VTI1A: variants seen among roughly 807,000 people sequenced by gnomAD.
The protein encoded by VTI1A is vesicle transport through interaction with t-SNAREs homolog 1A.
In VTI1A, 22 loss-of-function variants were observed where a neutral mutation model predicts 34.9. That is an observed-to-expected ratio of 0.63 (90% CI 0.45 to 0.90). The LOEUF is 0.90. VTI1A is among the 40% of genes least tolerant of loss of function. VTI1A has a pLI of 0.00. For missense variants in VTI1A, 268 were observed against 275.6 expected (o/e 0.97, Z 0.20); for synonymous variants, 87 against 97.3 (o/e 0.89, Z 0.62).
At chr10:112,455,156 T>TCC (rs1285111226) in intron 1 of VTI1A, among the ~76,000 whole-genome samples, 30 of 36,390 alleles carry the variant, frequency 8.2e-4, no homozygotes, top group African/African-American at 3.1e-3. Flanking sequence ...TTCCCTCCCC[T>TCC]TCCCTCCTCC....
chr10:112,800,327 C>T (rs1279981985), intron 7 of VTI1A, among the ~76,000 whole-genome samples: 1 of 152,176 alleles, frequency 6.6e-6, no homozygotes, highest in Non-Finnish European at 1.5e-5. Flanking sequence ...AGGACCAAGG[C>T]CAGATGTGCC....
chr10:112,585,663 C>CTTTT (rs61436886), intron 5 of VTI1A, among the ~76,000 whole-genome samples: 7 of 117,294 alleles, frequency 6.0e-5, no homozygotes, highest in South Asian at 2.9e-4. Context: ...TTGTGGATTT[C>CTTTT]TTTTTTTTTT....
intron 3 of VTI1A, among the ~76,000 whole-genome samples, chr10:112,501,315 T>G (rs1020199028): frequency 4.6e-5 from 7 of 152,224 alleles, no homozygotes; most frequent in African/African-American, 1.7e-4. Flanking sequence ...AAACTAGTGG[T>G]AATCCTTATT....
intron 3 of VTI1A, among the ~76,000 whole-genome samples, chr10:112,513,822 ATGT>A (rs1373243813): frequency 2.0e-5 from 3 of 151,990 alleles, no homozygotes; most frequent in African/African-American, 7.2e-5. Flanking sequence ...TTTTGTTAAT[ATGT>A]TGTATCACAT....
chr10:112,594,113 G>A (rs1418357577), intron 5 of VTI1A, among the ~76,000 whole-genome samples: 2 of 152,056 alleles, frequency 1.3e-5, no homozygotes, highest in Non-Finnish European at 2.9e-5. Context: ...GGGTTTCACT[G>A]TGTTAGCCAG....
intron 7 of VTI1A, among the ~76,000 whole-genome samples, chr10:112,754,505 A>C (rs1047321610): frequency 6.6e-6 from 1 of 152,270 alleles, no homozygotes; most frequent in Non-Finnish European, 1.5e-5. Flanking sequence ...AACCACAAAG[A>C]AAAAGTTCAC....
At chr10:112,774,839 C>T (rs1005713988) in intron 7 of VTI1A, among the ~76,000 whole-genome samples, 1 of 152,180 alleles carries the variant, frequency 6.6e-6, no homozygotes, top group African/African-American at 2.4e-5. Flanking sequence ...AGAAGCCCCC[C>T]TCCTGAGGGC....
chr10:112,733,459 T>C (rs1209272453), intron 7 of VTI1A, among the ~76,000 whole-genome samples: 1 of 152,150 alleles, frequency 6.6e-6, no homozygotes. Flanking sequence ...GCACATAATA[T>C]GTGACCTTTT....
intron 3 of VTI1A, among the ~76,000 whole-genome samples, chr10:112,514,648 T>A (rs1289645730): frequency 6.6e-6 from 1 of 151,996 alleles, no homozygotes; most frequent in East Asian, 1.9e-4. Flanking sequence ...TAAACTCCCC[T>A]CTTAGGACTG....
chr10:112,671,899 A>C (rs1847863454), intron 7 of VTI1A: 1 of 152,052 alleles, frequency 6.6e-6, no homozygotes, highest in Admixed American at 6.6e-5. Flanking sequence ...CTGCTTATTC[A>C]TTTCCTTAGT....
At position 112,799,956 on chromosome 10, in the gene VTI1A, TAGAG is replaced by T. The variant is rs34501795; in HGVS notation, c.561-15319_561-15316del. Among the ~76,000 whole-genome samples the T allele has an allele frequency of 4.1e-5, 6 of 147,208 alleles. No individual in the cohort carries two copies. The East Asian group carries it at 6.0e-4, about 15-fold the overall frequency. On this transcript the variant is annotated intron_variant, in intron 7 of 7. Coordinates refer to ENST00000393077, the MANE Select transcript of VTI1A (RefSeq NM_145206.4). Reference sequence around the variant, plus strand: ...AGAGAGAGAGAGAGAGTTCTGATGTTAGAGAGAGAGAGAGAGAGTTCTGATGTTA... The same window carrying T: ...AGAGAGAGAGAGAGAGTTCTGATGTTAGAGAGAGAGAGAGTTCTGATGTTA...
At chr10:112,478,800 A>G (rs1848365797) in intron 3 of VTI1A, among the ~76,000 whole-genome samples, 2 of 152,170 alleles carry the variant, frequency 1.3e-5, no homozygotes, top group Non-Finnish European at 2.9e-5. Flanking sequence ...AGTTCATAAT[A>G]CACATTGGAT....
chr10:112,615,583 A>C (rs895048523), intron 5 of VTI1A, among the ~76,000 whole-genome samples: 1 of 152,226 alleles, frequency 6.6e-6, no homozygotes, highest in African/African-American at 2.4e-5. Flanking sequence ...TAATGGAAAT[A>C]GACATTAAAA....
intron 3 of VTI1A, among the ~76,000 whole-genome samples, chr10:112,476,051 T>A (rs1848263468): frequency 6.6e-6 from 1 of 152,230 alleles, no homozygotes; most frequent in Non-Finnish European, 1.5e-5. Context: ...TGGCTGTTTA[T>A]TTTCCATTCT....
intron 1 of VTI1A, among the ~76,000 whole-genome samples, chr10:112,451,579 A>AG (rs1484004082): frequency 6.6e-6 from 1 of 152,216 alleles, no homozygotes; most frequent in Non-Finnish European, 1.5e-5. Flanking sequence ...CAGGATCCCA[A>AG]GGGGGGCAGT....
At chr10:112,747,734 C>T (rs1377436402) in intron 7 of VTI1A, among the ~76,000 whole-genome samples, 3 of 151,964 alleles carry the variant, frequency 2.0e-5, no homozygotes, top group Non-Finnish European at 4.4e-5. Context: ...AGAAGGAGGC[C>T]CTCAAAGAGG....
intron 3 of VTI1A, among the ~76,000 whole-genome samples, chr10:112,481,341 G>A (rs1252624984): frequency 2.0e-5 from 3 of 152,134 alleles, no homozygotes; most frequent in Admixed American, 6.5e-5. Context: ...GGCAAAATGA[G>A]TACTTTAAAT....
At chr10:112,536,033 C>A (rs60893322) in intron 4 of VTI1A, among the ~76,000 whole-genome samples, 1,705 of 152,214 alleles carry the variant, frequency 0.011, 32 homozygotes, top group African/African-American at 0.039. Context: ...TTTTAAAGGT[C>A]TTTCAGAAAT....
At chr10:112,666,876 A>C (rs1847659501) in intron 5 of VTI1A, among the ~76,000 whole-genome samples, 1 of 152,098 alleles carries the variant, frequency 6.6e-6, no homozygotes, top group Non-Finnish European at 1.5e-5. Context: ...TAACTGAATT[A>C]CCTTATTGAA....
Sources: gnomAD v4.1 joint callset for allele counts (sites outside exome capture counted in the v4.1 genomes callset) on GRCh38, gnomAD v4.1.1 for gene constraint, MANE v1.5 for transcripts, NCBI Gene and HGNC (gene_info 2026-07-23, HGNC 2026-07-21) for gene names.